The following FRMD6 variants were observed in gnomAD, a reference collection of about 807,000 sequenced individuals.
The protein encoded by FRMD6 is FERM domain containing 6, also known as FERM domain-containing protein 6.
Under a neutral mutation model 73.2 loss-of-function variants are expected in FRMD6, and 37 were observed. That is an observed-to-expected ratio of 0.51 (90% CI 0.39 to 0.66). The LOEUF (loss-of-function observed/expected upper bound fraction) is 0.66, where lower values mean the gene tolerates loss of function less well. FRMD6 is among the 30% of genes least tolerant of loss of function. FRMD6 has a pLI of 0.00. For missense variants in FRMD6, 714 were observed against 780.5 expected (o/e 0.91, Z 1.02); for synonymous variants, 273 against 282.2 (o/e 0.97, Z 0.33).
At chr14:51,408,488 A>T in the FRMD6 span, among the ~76,000 whole-genome samples, 9 of 152,050 alleles carry the variant, frequency 5.9e-5, no homozygotes. Context: ...TATATGTTGT[A>T]TTCTGGATAA....
chr14:51,518,472 A>G (rs1213711313), intron 1 of FRMD6, among the ~76,000 whole-genome samples: 1 of 152,214 alleles, frequency 6.6e-6, no homozygotes, highest in Non-Finnish European at 1.5e-5. Flanking sequence ...AGCTCTGTGT[A>G]GTGGGGATAA....
intron 1 of FRMD6, among the ~76,000 whole-genome samples, chr14:51,670,622 AC>A (rs2140235460): frequency 6.6e-6 from 1 of 151,468 alleles, no homozygotes; most frequent in African/African-American, 2.4e-5. Context: ...CTATTAATGT[AC>A]ATTTTTATAT....
the FRMD6 span, among the ~76,000 whole-genome samples, chr14:51,472,418 T>C: frequency 9.9e-5 from 15 of 152,090 alleles, no homozygotes; most frequent in Admixed American, 8.5e-4. Flanking sequence ...ATTCTCCTGC[T>C]TCAGCCTCCC....
intron 1 of FRMD6, among the ~76,000 whole-genome samples, chr14:51,497,122 C>T (rs1022504900): frequency 2.0e-5 from 3 of 152,048 alleles, no homozygotes. Context: ...ACATATGTAT[C>T]TGGGCACATA....
intron 2 of FRMD6, among the ~76,000 whole-genome samples, chr14:51,574,110 AC>A (rs1287767978): frequency 3.9e-5 from 6 of 151,982 alleles, no homozygotes; most frequent in Admixed American, 6.6e-5. Flanking sequence ...CCTTTGATTA[AC>A]CCTTGGGAAG....
At chr14:51,630,668 G>T (rs1891301745) in intron 2 of FRMD6, among the ~76,000 whole-genome samples, 3 of 152,048 alleles carry the variant, frequency 2.0e-5, no homozygotes, top group East Asian at 1.9e-4. Flanking sequence ...GATCATTTGA[G>T]CCCAGGAGGT....
the FRMD6 span, among the ~76,000 whole-genome samples, chr14:51,441,194 GGACACATT>G: frequency 6.6e-6 from 1 of 152,220 alleles, no homozygotes; most frequent in African/African-American, 2.4e-5. Context: ...TCTGTTATAT[GGACACATT>G]GTATGCTAAG....
At chr14:51,485,825 CT>C (rs1882750218), upstream of FRMD6, among the ~76,000 whole-genome samples, 1 of 152,110 alleles carries the variant, frequency 6.6e-6, no homozygotes, top group African/African-American at 2.4e-5. Context: ...AGCGAAAAAC[CT>C]TTTCAACAGG....
At chr14:51,662,933 G>GA (rs914947780) in intron 1 of FRMD6, among the ~76,000 whole-genome samples, 1 of 151,418 alleles carries the variant, frequency 6.6e-6, no homozygotes, top group African/African-American at 2.4e-5. Context: ...AAATTTACTA[G>GA]AAAAAAAATC....
chr14:51,704,133 CA>C (rs1381750009), intron 5 of FRMD6, among the ~76,000 whole-genome samples: 2 of 151,854 alleles, frequency 1.3e-5, no homozygotes, highest in Non-Finnish European at 2.9e-5. Context: ...ACATTCACTT[CA>C]AAAAAATCCC....
the FRMD6 span, among the ~76,000 whole-genome samples, chr14:51,453,178 G>A: frequency 6.6e-6 from 1 of 152,028 alleles, no homozygotes; most frequent in Admixed American, 6.6e-5. Context: ...TTAAAGATGT[G>A]GTGCCCAAGA....
chr14:51,591,241 G>C (rs1263995922), intron 2 of FRMD6, among the ~76,000 whole-genome samples: 1 of 149,382 alleles, frequency 6.7e-6, no homozygotes, highest in East Asian at 1.9e-4. Context: ...TGGTGGTGTT[G>C]AAAACACACA....
intron 2 of FRMD6, among the ~76,000 whole-genome samples, chr14:51,608,967 G>C (rs539365617): frequency 3.3e-5 from 5 of 152,104 alleles, no homozygotes; most frequent in South Asian, 2.1e-4. Context: ...ACCAGCCTTG[G>C]GGGGTGGCTT....
intron 2 of FRMD6, among the ~76,000 whole-genome samples, chr14:51,628,800 C>CAAA (rs764713119): frequency 0.15 from 7,869 of 51,788 alleles, 1,241 homozygotes; most frequent in East Asian, 0.25. Context: ...GACTCTGTCT[C>CAAA]AAAAAAAAAA....
At chr14:51,507,269 A>T (rs1884023732) in intron 1 of FRMD6, among the ~76,000 whole-genome samples, 1 of 152,224 alleles carries the variant, frequency 6.6e-6, no homozygotes. Context: ...CACTGAAAGC[A>T]GCAGAGTCCT....
At chr14:51,613,117 G>A (rs1890579733) in intron 2 of FRMD6, among the ~76,000 whole-genome samples, 1 of 152,154 alleles carries the variant, frequency 6.6e-6, no homozygotes, top group Non-Finnish European at 1.5e-5. Flanking sequence ...CCAAAATGAG[G>A]AGTTTCTAAT....
At chr14:51,722,136 AAC>A (rs1897661033) in intron 12 of FRMD6, 56 bp downstream of exon 12, 1 of 1,595,338 alleles carries the variant, frequency 6.3e-7, no homozygotes, top group African/African-American at 1.3e-5. Context: ...AGGACTGAAA[AAC>A]ACATGCCTCA....
At chr14:51,644,212 C>T (rs1027848096) in intron 2 of FRMD6, among the ~76,000 whole-genome samples, 4 of 151,954 alleles carry the variant, frequency 2.6e-5, no homozygotes, top group Non-Finnish European at 4.4e-5. Context: ...ATAAGGTGTC[C>T]CATTCAAATC....
At chr14:51,520,012 C>G (rs558846028) in intron 1 of FRMD6, among the ~76,000 whole-genome samples, 1 of 152,106 alleles carries the variant, frequency 6.6e-6, no homozygotes, top group East Asian at 1.9e-4. Flanking sequence ...CTGTGAAAGG[C>G]ACCATTAAGA....
Sources: gnomAD v4.1 joint callset for allele counts (sites outside exome capture counted in the v4.1 genomes callset) on GRCh38, gnomAD v4.1.1 for gene constraint, MANE v1.5 for transcripts, NCBI Gene and HGNC (gene_info 2026-07-23, HGNC 2026-07-21) for gene names.